The following SLC35F4 variants were observed in gnomAD, a reference collection of about 807,000 sequenced individuals.
SLC35F4 encodes the protein chromosome 14 open reading frame 36.
Under a neutral mutation model 44.2 loss-of-function variants are expected in SLC35F4, and 24 were observed. That is an observed-to-expected ratio of 0.54 (90% confidence interval 0.39 to 0.76). SLC35F4 has a LOEUF of 0.76. SLC35F4 is among the 30% of genes least tolerant of loss of function. SLC35F4 has a pLI of 0.00. For synonymous variants in SLC35F4, 238 were observed against 223.6 expected (o/e 1.06, Z -0.57); for missense variants, 562 against 586.1 (o/e 0.96, Z 0.42).
At chr14:57,608,669 T>A (rs1457220264) in intron 1 of SLC35F4, among the ~76,000 whole-genome samples, 1 of 151,620 alleles carries the variant, frequency 6.6e-6, no homozygotes, top group Non-Finnish European at 1.5e-5. Context: ...GGGGATGAGA[T>A]CACCCAGAAG....
chr14:57,777,860 C>T (rs770946530), intron 1 of SLC35F4, among the ~76,000 whole-genome samples: 1 of 152,080 alleles, frequency 6.6e-6, no homozygotes, highest in African/African-American at 2.4e-5. Context: ...TCCAGAGACC[C>T]ATCTCACATG....
At chr14:57,981,194 T>G (rs1881370246) in intron 1 of SLC35F4, among the ~76,000 whole-genome samples, 1 of 152,202 alleles carries the variant, frequency 6.6e-6, no homozygotes, top group Non-Finnish European at 1.5e-5. Flanking sequence ...ACTGGTTTCT[T>G]GTTTTCTGTC....
At chr14:57,833,516 G>A (rs1357328107) in intron 1 of SLC35F4, among the ~76,000 whole-genome samples, 1 of 152,160 alleles carries the variant, frequency 6.6e-6, no homozygotes, top group Admixed American at 6.5e-5. Flanking sequence ...GAATCTCTGG[G>A]GCTCAAGGCC....
chr14:57,640,985 C>G (rs1003308240), intron 1 of SLC35F4, among the ~76,000 whole-genome samples: 1 of 151,954 alleles, frequency 6.6e-6, no homozygotes, highest in African/African-American at 2.4e-5. Context: ...GCTGACTCTG[C>G]ACACCAATAT....
intron 1 of SLC35F4, among the ~76,000 whole-genome samples, chr14:57,625,567 GAA>G (rs1216638060): frequency 1.3e-5 from 2 of 152,144 alleles, no homozygotes; most frequent in African/African-American, 4.8e-5. Flanking sequence ...CAAGGCTACA[GAA>G]ACCAAACAGC....
chr14:57,587,676 A>G (rs1029647358), intron 3 of SLC35F4, among the ~76,000 whole-genome samples: 1 of 152,150 alleles, frequency 6.6e-6, no homozygotes, highest in African/African-American at 2.4e-5. Flanking sequence ...AATGTAGATG[A>G]TGGGTTAATG....
chr14:57,653,186 T>A (rs1190985703), intron 1 of SLC35F4, among the ~76,000 whole-genome samples: 2 of 152,232 alleles, frequency 1.3e-5, no homozygotes, highest in Non-Finnish European at 2.9e-5. Context: ...ATAAATTATA[T>A]GTTCAGTGTA....
intron 1 of SLC35F4, among the ~76,000 whole-genome samples, chr14:57,926,521 G>A (rs908613625): frequency 6.6e-6 from 1 of 152,154 alleles, no homozygotes; most frequent in South Asian, 2.1e-4. Context: ...GAGTAAGGCA[G>A]TGATAAAAAA....
chr14:57,938,479 G>A (rs545817874), intron 1 of SLC35F4, among the ~76,000 whole-genome samples: 2 of 152,266 alleles, frequency 1.3e-5, no homozygotes, highest in South Asian at 4.2e-4. Flanking sequence ...TGGGTTGTTT[G>A]CTGAGCTATA....
intron 1 of SLC35F4, among the ~76,000 whole-genome samples, chr14:57,981,112 A>G (rs952007044): frequency 2.6e-5 from 4 of 152,148 alleles, no homozygotes; most frequent in African/African-American, 9.7e-5. Flanking sequence ...GCCAAAGACA[A>G]CAGCCCGGGC....
chr14:57,893,724 C>T (rs808222), intron 1 of SLC35F4, among the ~76,000 whole-genome samples: 24,299 of 152,108 alleles, frequency 0.16, 2,036 homozygotes, highest in South Asian at 0.22. Flanking sequence ...GTTTCAATCC[C>T]AACCAACTTG....
At chr14:57,620,288 G>C (rs890820000) in intron 1 of SLC35F4, among the ~76,000 whole-genome samples, 2 of 152,182 alleles carry the variant, frequency 1.3e-5, no homozygotes, top group African/African-American at 2.4e-5. Flanking sequence ...GGCAGCCAGA[G>C]AGAAAGGTCG....
chr14:57,817,215 G>T (rs1210105297), intron 1 of SLC35F4, among the ~76,000 whole-genome samples: 1 of 152,178 alleles, frequency 6.6e-6, no homozygotes, highest in Non-Finnish European at 1.5e-5. Flanking sequence ...TTAGTAAACT[G>T]CAACCATAGA....
chr14:57,729,122 T>G (rs540280040), intron 1 of SLC35F4, among the ~76,000 whole-genome samples: 1 of 152,176 alleles, frequency 6.6e-6, no homozygotes, highest in African/African-American at 2.4e-5. Context: ...TTATTAAATG[T>G]CTTGAGGTAG....
chr14:57,713,214 C>T (rs996885453), intron 1 of SLC35F4, among the ~76,000 whole-genome samples: 4 of 152,282 alleles, frequency 2.6e-5, no homozygotes, highest in Middle Eastern at 3.4e-3. Context: ...AACTCATTTC[C>T]CTGCTTTCAG....
At chr14:57,693,019 T>C (rs2140338206) in intron 1 of SLC35F4, among the ~76,000 whole-genome samples, 1 of 152,286 alleles carries the variant, frequency 6.6e-6, no homozygotes, top group East Asian at 1.9e-4. Context: ...AATTAAAAAA[T>C]CCCATATGTT....
Position 57,865,837 on chromosome 14 carries a change from G to A in SLC35F4, c.-12C>T, listed in dbSNP as rs1348374804. 1.3e-6 allele frequency: 2 copies of A among 1,496,500 alleles called. No homozygotes were observed. The highest frequency in any genetic ancestry group is 2.9e-5 in the African/African-American group (2 of 69,066). 92.7% of individuals were successfully genotyped at this position (1,496,500 alleles called of 1,614,324 possible). A position where few individuals can be genotyped will look rare whatever the true frequency, so the allele number is the denominator to read the frequency against. ...GCCTTGACATCCATAGAGAGCGCGG[G>A]GCGACGGCCCCGAGTGCGGCGGGGC... On this transcript the variant is annotated 5_prime_UTR_variant, in exon 1 of 8. Coordinates refer to ENST00000556826, the MANE Select transcript of SLC35F4 (RefSeq NM_001306087.2).
chr14:57,863,252 T>C (rs2141015568), intron 1 of SLC35F4, among the ~76,000 whole-genome samples: 1 of 152,366 alleles, frequency 6.6e-6, no homozygotes, highest in East Asian at 1.9e-4. Context: ...ACAAATGCCC[T>C]ATTGCCCATT....
At chr14:57,870,299 C>G (rs1398730389), upstream of SLC35F4, among the ~76,000 whole-genome samples, 1 of 152,022 alleles carries the variant, frequency 6.6e-6, no homozygotes, top group Non-Finnish European at 1.5e-5. Context: ...CAGCATTATA[C>G]TGTACTCGGC....
Sources: allele counts gnomAD v4.1 joint callset (sites outside exome capture counted in the v4.1 genomes callset), GRCh38; gene constraint gnomAD v4.1.1; transcripts MANE v1.5; gene names NCBI Gene and HGNC (gene_info 2026-07-23, HGNC 2026-07-21).